The following NDST2 variants were observed in gnomAD, a reference collection of about 807,000 sequenced individuals.
NDST2 encodes the protein N-deacetylase and N-sulfotransferase 2, also known as bifunctional heparan sulfate N-deacetylase/N-sulfotransferase 2.
A neutral mutation model predicts 86.9 loss-of-function variants in NDST2; 32 were observed. The ratio of observed to expected loss-of-function variants is 0.37; its 90% CI spans 0.28 to 0.49. The LOEUF is 0.49. NDST2 is among the 20% of genes least tolerant of loss of function. The pLI is 0.97. For synonymous variants in NDST2, 409 were observed against 437.0 expected (o/e 0.94, Z 0.80); for missense variants, 950 against 1,146.9 (o/e 0.83, Z 2.48).
In NDST2 at chr10:73,807,779, G is replaced by T; in HGVS notation, c.610C>A (p.Pro204Thr). ...GTGAGATGCAGTAGCGGGGCAGAAG[G>T]ATTCACTTGGTAGTCCCGGAGCCCC... ...NLGLRDYQVN[P>T]SAPLLHLTRP... The change falls in exon 3 of 15, where the codon CCT (proline) becomes ACT (threonine). Residue 204 changes from proline (P) to threonine (T), a missense_variant. Transcript: ENST00000309979. 1 of 1,614,202 alleles carries T rather than the reference G, an allele frequency of 6.2e-7. No homozygotes were observed. Among genetic ancestry groups the T allele is most frequent in the Non-Finnish European group, 8.5e-7 (1 of 1,180,038 alleles).
In NDST2 at chr10:73,803,652, C is replaced by T. The variant is rs1348140915; in HGVS notation, c.2064G>A (p.Arg688=). Residue 688 remains arginine (R), a synonymous_variant, in exon 11 of 15, where the codon CGG becomes CGA. Coordinates refer to ENST00000309979, the MANE Select transcript of NDST2 (RefSeq NM_003635.4). ...TYFDSEVVPR[R]GAALLPRAKI... ...TGGCTCGTGGCAGGAGGGCAGCCCC[C>T]CGCCGTGGTACAACTTCAGAGTCAA... 1.2e-6 allele frequency: 2 copies of T among 1,613,912 alleles called. No individual in the cohort carries two copies. Among genetic ancestry groups the T allele is most frequent in the Admixed American group, 1.7e-5 (1 of 59,976 alleles).
Position 73,807,704 on chromosome 10 carries a change from T to G in NDST2, c.685A>C (p.Ile229Leu), listed in dbSNP as rs757789904. ...PGPLPGDDWT[I>L]FQSNHSTYEP... ...TATGTACTATGATTGGATTGGAAGATGGTCCAGTCATCACCAGGCAGTGGC... is the reference window on the plus strand; with the variant it reads ...TATGTACTATGATTGGATTGGAAGAGGGTCCAGTCATCACCAGGCAGTGGC... Residue 229 changes from isoleucine (I) to leucine (L), a missense_variant, in exon 3 of 15, where the codon ATC becomes CTC. Ile to Leu is a conservative substitution (Grantham distance 5). This residue lies in a region of NDST2 where 586 missense variants were observed against 714.0 expected (regional missense o/e 0.82). Coordinates refer to ENST00000309979, the MANE Select transcript of NDST2 (RefSeq NM_003635.4). 2 of 1,614,056 alleles carry G rather than the reference T, an allele frequency of 1.2e-6. No individual in the cohort carries two copies. The highest frequency in any genetic ancestry group is 1.7e-6 in the Non-Finnish European group (2 of 1,180,038).
chr10:73,802,940 C>T (rs574667377), intron 13 of NDST2, 32 bp downstream of exon 13: 6 of 1,600,002 alleles, frequency 3.8e-6, no homozygotes, highest in East Asian at 2.2e-5. Context: ...ATTTCCCATA[C>T]AGTACTCCTC....
chr10:73,806,260 G>T lies in NDST2; in HGVS notation c.1434+29C>A. The T allele has an allele frequency of 6.2e-7, 1 of 1,611,800 alleles. No homozygotes were observed. The highest frequency in any genetic ancestry group is 1.1e-5 in the South Asian group (1 of 90,970). Reference sequence around the variant, plus strand: ...GAAAGCTGTCTAAATGTTAGAGTTTGATTCAAGCCTGTATTGGGAGTCCCT... The same window carrying T: ...GAAAGCTGTCTAAATGTTAGAGTTTTATTCAAGCCTGTATTGGGAGTCCCT... On this transcript the variant is annotated intron_variant, in intron 6 of 14. Coordinates refer to ENST00000309979, the MANE Select transcript of NDST2 (RefSeq NM_003635.4). The surrounding 1 kb of genome is among the most constrained non-coding windows in gnomAD (Gnocchi z 4.5).
chr10:73,805,157 T>C (rs1565097067), intron 8 of NDST2, among the ~76,000 whole-genome samples: 1 of 151,816 alleles, frequency 6.6e-6, no homozygotes, highest in Non-Finnish European at 1.5e-5. Flanking sequence ...TGCCTCGGCC[T>C]CCCAAAGTGC....
Position 73,803,207 on chromosome 10 carries a change from A to C in NDST2, c.2295T>G (p.Thr765=). The change falls in exon 12 of 15, where the codon ACT becomes ACG. Residue 765 remains threonine (T), a synonymous_variant. Coordinates refer to ENST00000309979, the MANE Select transcript of NDST2 (RefSeq NM_003635.4). Reference sequence around the variant, plus strand: ...ATTATACCTGTCCAGAGGGGTAGTAAGTCAGCCAGCGTTGTAGATGGGTAG... The same window carrying C: ...ATTATACCTGTCCAGAGGGGTAGTACGTCAGCCAGCGTTGTAGATGGGTAG... ...YYSTHLQRWL[T]YYPSGQLLIV... is the part of the protein sequence containing the mutation. 1 of 1,614,216 alleles carries C rather than the reference A, an allele frequency of 6.2e-7. No homozygotes were observed. The highest frequency in any genetic ancestry group is 8.5e-7 in the Non-Finnish European group (1 of 1,180,036).
rs2084109422 is a variant in NDST2 at position 73,806,709 on chromosome 10, T to A, written c.1196A>T (p.His399Leu). 3.7e-6 allele frequency: 6 copies of A among 1,614,084 alleles called. No individual in the cohort carries two copies. Among genetic ancestry groups the A allele is most frequent in the African/African-American group, 2.7e-5 (2 of 74,924 alleles). ...MWSHMQPHLF[H>L]NRSVLADQMR... ...CTGGTCAGCCAGCACGGAGCGATTG[T>A]GGAACAGGTGTGGCTGCATGTGGCT... Residue 399 changes from histidine (H) to leucine (L), a missense_variant, in exon 5 of 15, where the codon CAC becomes CTC. This residue lies in a region of NDST2 where 586 missense variants were observed against 714.0 expected (regional missense o/e 0.82). Transcript: ENST00000309979. The surrounding 1 kb of genome is among the most constrained non-coding windows in gnomAD (Gnocchi z 4.5).
chr10:73,806,852 C>T lies in NDST2; in HGVS notation c.1094-41G>A. ...GACCACTGACCACAGCCAGTCAGCC[C>T]CTGTTCCCTCCTTTATTTTGTAACA... is the stretch of plus-strand genomic sequence containing the variant. On this transcript the variant is annotated intron_variant, in intron 4 of 14. Coordinates refer to ENST00000309979, the MANE Select transcript of NDST2 (RefSeq NM_003635.4). This position sits in a 1 kb window ranked among gnomAD's most constrained non-coding sequence, Gnocchi z 4.5. The T allele has an allele frequency of 1.9e-6, 3 of 1,600,396 alleles. No homozygotes were observed. The highest frequency in any genetic ancestry group is 1.7e-4 in the Middle Eastern group (1 of 5,944).
chr10:73,805,580 C>G lies in NDST2; in HGVS notation c.1746+7G>C. On this transcript the variant is annotated splice_region_variant and intron_variant, in intron 8 of 14. Coordinates refer to ENST00000309979, the MANE Select transcript of NDST2 (RefSeq NM_003635.4). ...ATGTCTCTCATCAGACTGAGCTCCA[C>G]CTTTACCTGCCAAAGGGGGCTTCGC... 1 of 1,613,872 alleles carries G rather than the reference C, an allele frequency of 6.2e-7. No individual in the cohort carries two copies. The highest frequency in any genetic ancestry group is 8.5e-7 in the Non-Finnish European group (1 of 1,179,958).
intron 2 of NDST2, 195 bp downstream of exon 2, chr10:73,810,601 CATT>C: frequency 2.6e-6 from 1 of 386,348 alleles, no homozygotes; most frequent in Non-Finnish European, 4.6e-6. Flanking sequence ...TTAGAGAAAA[CATT>C]GTAGTGAGGA....
At position 73,806,451 on chromosome 10, in the gene NDST2, C is replaced by T. The variant is rs917598730; in HGVS notation, c.1272G>A (p.Leu424=). 6.3e-7 allele frequency: 1 copy of T among 1,599,824 alleles called. No individual in the cohort carries two copies. Among genetic ancestry groups the T allele is most frequent in the East Asian group, 2.2e-5 (1 of 44,718 alleles). Residue 424 remains leucine (L), a synonymous_variant, in exon 6 of 15, where the codon CTG becomes CTA. Coordinates refer to ENST00000309979, the MANE Select transcript of NDST2 (RefSeq NM_003635.4). The surrounding 1 kb of genome is among the most constrained non-coding windows in gnomAD (Gnocchi z 4.5). ...FALEHGIPTD[L]GYAVAPHHSG... is the part of the protein sequence containing the mutation. ...AGTGGTGGGGGGCCACAGCATACCCCAGGTCCGTGGGAATCCCATGCTCCT... is the reference window on the plus strand; with the variant it reads ...AGTGGTGGGGGGCCACAGCATACCCTAGGTCCGTGGGAATCCCATGCTCCT...
At chr10:73,810,527 A>T (rs1033512724) in intron 2 of NDST2, among the ~76,000 whole-genome samples, 1 of 152,166 alleles carries the variant, frequency 6.6e-6, no homozygotes, top group African/African-American at 2.4e-5. Context: ...ACACGAGAAG[A>T]CAGCTGGGGG....
Position 73,802,471 on chromosome 10 carries a change from G to T in NDST2, c.2632C>A (p.Gln878Lys), listed in dbSNP as rs758217692. 11 of 1,613,276 alleles carry T rather than the reference G, an allele frequency of 6.8e-6. No individual in the cohort carries two copies. The South Asian group carries it at 1.2e-4, about 18-fold the overall frequency. The change falls in exon 15 of 15, where the codon CAG becomes AAG. Residue 878 changes from glutamine (Q) to lysine (K), a missense_variant. Physicochemically the swap from Gln to Lys is moderately conservative, Grantham distance 53. Transcript: ENST00000309979. ...GGACATCAGCCCAGACTGGAATGCT[G>T]CAGTTCTTCCCGAAGCCACGAGGGC... Reference protein sequence around the residue: ...PVPSWLREELQHSSLG With the variant: ...PVPSWLREELKHSSLG
At chr10:73,811,131 G>A (rs1260308118) in intron 1 of NDST2, among the ~76,000 whole-genome samples, 1 of 151,916 alleles carries the variant, frequency 6.6e-6, no homozygotes, top group Non-Finnish European at 1.5e-5. Context: ...CTGGCGGGTG[G>A]AGGGGCCCCG....
chr10:73,803,564 T>C lies in NDST2; in HGVS notation c.2142+10A>G, dbSNP rs1235905223. 8.0e-7 allele frequency: 1 copy of C among 1,257,844 alleles called. No individual in the cohort carries two copies. The highest frequency in any genetic ancestry group is 2.0e-5 in the Admixed American group (1 of 49,340). The allele number at this position is 1,257,844 out of a possible 1,614,324, so 77.9% of individuals were successfully genotyped here. A position where few individuals can be genotyped will look rare whatever the true frequency, so the allele number is the denominator to read the frequency against. On this transcript the variant is annotated intron_variant, in intron 11 of 14. Coordinates refer to ENST00000309979, the MANE Select transcript of NDST2 (RefSeq NM_003635.4). ...ACCTTTAGCCTGTGTGTCCCTAGCT[T>C]CAGGCAGACCTGGTACCAGGAGTAG...
chr10:73,802,660 C>G lies in NDST2; in HGVS notation c.2526+14G>C, dbSNP rs767305494. 2 of 1,614,162 alleles carry G rather than the reference C, an allele frequency of 1.2e-6. No homozygotes were observed. Among genetic ancestry groups the G allele is most frequent in the South Asian group, 1.1e-5 (1 of 91,088 alleles). ...GAAGTGGAGAGGGATTCCCCTGCCC[C>G]TGGCTTTACTTACCTCAGTGTCCAT... On this transcript the variant is annotated intron_variant, in intron 14 of 14. Transcript: ENST00000309979.
chr10:73,808,598 G>T lies in NDST2; in HGVS notation c.-210C>A. ...GGGAAGCAGGGGGCAACTATACAGA[G>T]TCCACTTGTCTCAGGTCACCATGGC... On this transcript the variant is annotated 5_prime_UTR_variant, in exon 3 of 15. Transcript: ENST00000309979. This position sits in a 1 kb window ranked among gnomAD's most constrained non-coding sequence, Gnocchi z 4.3. 3.7e-6 allele frequency: 2 copies of T among 540,952 alleles called. No individual in the cohort carries two copies. The highest frequency in any genetic ancestry group is 6.5e-6 in the Non-Finnish European group (2 of 307,046). 33.5% of individuals were successfully genotyped at this position (540,952 alleles called of 1,614,324 possible).
Position 73,802,311 on chromosome 10 carries a change from C to T in NDST2, c.*140G>A. The T allele has an allele frequency of 1.2e-6, 1 of 863,966 alleles. No homozygotes were observed. Among genetic ancestry groups the T allele is most frequent in the Non-Finnish European group, 1.8e-6 (1 of 567,318 alleles). The allele number at this position is 863,966 out of a possible 1,614,324, so 53.5% of individuals were successfully genotyped here. On this transcript the variant is annotated 3_prime_UTR_variant, in exon 15 of 15. Transcript: ENST00000309979. ...AACTGTGGGAAAAGGATACCCTTCC[C>T]TTCTCAGCCATCTCAGGCCTGGGGG... is the stretch of plus-strand genomic sequence containing the variant.
Position 73,802,544 on chromosome 10 carries a change from G to A in NDST2, c.2559C>T (p.Asn853=). Residue 853 remains asparagine, a synonymous_variant, in exon 15 of 15, where the codon AAC becomes AAT. Transcript: ENST00000309979. ...SRLFLTDFFR[N]HNLELSKLLS... is the part of the protein sequence containing the mutation. ...GCAGCTTCGACAACTCCAAATTATGGTTCCGGAAAAAATCCGTAAGGAAAA... is the reference window on the plus strand; with the variant it reads ...GCAGCTTCGACAACTCCAAATTATGATTCCGGAAAAAATCCGTAAGGAAAA... 1 of 1,614,152 alleles carries A rather than the reference G, an allele frequency of 6.2e-7. No homozygotes were observed. The highest frequency in any genetic ancestry group is 8.5e-7 in the Non-Finnish European group (1 of 1,180,028).
Sources: gnomAD v4.1 joint callset for allele counts (sites outside exome capture counted in the v4.1 genomes callset) on GRCh38, gnomAD v4.1.1 for gene constraint, gnomAD v4.1.1 regional missense constraint, Gnocchi (gnomAD v3.1) non-coding constraint, MANE v1.5 for transcripts, NCBI Gene and HGNC (gene_info 2026-07-23, HGNC 2026-07-21) for gene names.